The following CLIC5 variants were observed in gnomAD, a reference collection of about 807,000 sequenced individuals.
CLIC5 encodes CLIC family member 5.
CLIC5 carries 20 observed loss-of-function variants against 24.7 expected under a neutral mutation model. That is an observed-to-expected ratio of 0.81 (90% CI 0.57 to 1.18). The LOEUF is 1.18. CLIC5 is among the 50% of genes most tolerant of loss of function. The probability of loss-of-function intolerance (pLI) is 0.00; values close to 1 mark genes in which losing one functional copy is unlikely to be tolerated. For synonymous variants in CLIC5, 159 were observed against 135.6 expected (o/e 1.17, Z -1.20); for missense variants, 341 against 326.1 (o/e 1.05, Z -0.35).
At chr6:45,974,520 TATAG>T (rs1182752407) in intron 1 of CLIC5, among the ~76,000 whole-genome samples, 592 of 66,920 alleles carry the variant, frequency 8.8e-3, no homozygotes, top group African/African-American at 0.025. Context: ...TATATATATA[TATAG>T]AGAGAGAGAG....
At chr6:46,092,239 C>A in the CLIC5 span, among the ~76,000 whole-genome samples, 1 of 152,148 alleles carries the variant, frequency 6.6e-6, no homozygotes, top group Non-Finnish European at 1.5e-5. Flanking sequence ...TATTTGAATC[C>A]AAAACCCACG....
At chr6:46,007,311 A>G (rs1201615484) in intron 1 of CLIC5, among the ~76,000 whole-genome samples, 1 of 152,236 alleles carries the variant, frequency 6.6e-6, no homozygotes, top group Non-Finnish European at 1.5e-5. Context: ...TATCTTAGAC[A>G]GTAATGGTCA....
At chr6:45,917,399 T>C (rs1376078223) in intron 4 of CLIC5, among the ~76,000 whole-genome samples, 2 of 152,236 alleles carry the variant, frequency 1.3e-5, no homozygotes, top group Non-Finnish European at 2.9e-5. Context: ...CCTTGCCCCA[T>C]ACTCTTGGTC....
intron 5 of CLIC5, among the ~76,000 whole-genome samples, chr6:45,909,623 A>G (rs1307764379): frequency 6.6e-6 from 1 of 152,188 alleles, no homozygotes; most frequent in Non-Finnish European, 1.5e-5. Context: ...TCTGGCTTGC[A>G]ATATTTCTGC....
At position 46,063,953 on chromosome 6, in the gene CLIC5, T is replaced by C. The variant is rs114128431; in HGVS notation, c.540+15750A>G. ...TAAAGGAACACAACAAAATCCAGTA[T>C]ACAACAACATAAAATTCAGTATGTC... is the stretch of plus-strand genomic sequence containing the variant. On this transcript the variant is annotated intron_variant, in intron 1 of 5. Transcript: ENST00000185206. Among the ~76,000 whole-genome samples the C allele has an allele frequency of 4.7e-3, 722 of 152,286 alleles. 3 individuals carry two copies. Among genetic ancestry groups the C allele is most frequent in the African/African-American group, 0.016 (675 of 41,550 alleles).
chr6:46,090,266 ACT>A, the CLIC5 span, among the ~76,000 whole-genome samples: 48 of 152,148 alleles, frequency 3.2e-4, no homozygotes, highest in South Asian at 9.1e-3. Flanking sequence ...GGATTTGAAA[ACT>A]CTGAATGTTT....
At chr6:46,037,336 G>T (rs1767690505) in intron 1 of CLIC5, among the ~76,000 whole-genome samples, 1 of 152,162 alleles carries the variant, frequency 6.6e-6, no homozygotes, top group Non-Finnish European at 1.5e-5. Context: ...CAGTTGTATT[G>T]TTGGGTGGAA....
At chr6:46,108,395 T>TGA in the CLIC5 span, among the ~76,000 whole-genome samples, 9 of 147,826 alleles carry the variant, frequency 6.1e-5, no homozygotes, top group East Asian at 4.0e-4. Context: ...TGTGTGTGTG[T>TGA]GTGTGTGAGA....
intron 1 of CLIC5, among the ~76,000 whole-genome samples, chr6:45,999,993 A>G (rs1378457825): frequency 7.8e-6 from 1 of 128,370 alleles, no homozygotes; most frequent in African/African-American, 3.0e-5. Flanking sequence ...CTCATGATCC[A>G]CCCGCCTCGG....
chr6:46,105,408 C>T, the CLIC5 span, among the ~76,000 whole-genome samples: 1 of 152,074 alleles, frequency 6.6e-6, no homozygotes, highest in East Asian at 1.9e-4. Flanking sequence ...CTAAAAAGGC[C>T]TTCCTGCTTT....
At chr6:45,987,411 C>G (rs1765779714) in intron 1 of CLIC5, among the ~76,000 whole-genome samples, 1 of 152,170 alleles carries the variant, frequency 6.6e-6, no homozygotes, top group African/African-American at 2.4e-5. Context: ...TCTACAGTGC[C>G]TTATAGACAG....
the CLIC5 span, among the ~76,000 whole-genome samples, chr6:46,105,592 A>G: frequency 1.3e-5 from 2 of 152,260 alleles, no homozygotes; most frequent in East Asian, 1.9e-4. Flanking sequence ...AGGGAGTGCT[A>G]GTGACTCAGG....
chr6:46,119,065 GA>G, the CLIC5 span, among the ~76,000 whole-genome samples: 1 of 152,192 alleles, frequency 6.6e-6, no homozygotes, highest in Non-Finnish European at 1.5e-5. Flanking sequence ...CTAGAGGCTG[GA>G]AAAGGCAACA....
chr6:46,033,616 C>A (rs1767573430), intron 1 of CLIC5, among the ~76,000 whole-genome samples: 2 of 152,192 alleles, frequency 1.3e-5, no homozygotes, highest in African/African-American at 2.4e-5. Context: ...ACCTGCCAGC[C>A]CTTCCTCATT....
chr6:46,114,406 C>A, the CLIC5 span, among the ~76,000 whole-genome samples: 1 of 152,214 alleles, frequency 6.6e-6, no homozygotes, highest in African/African-American at 2.4e-5. Flanking sequence ...GCAGTCAAAC[C>A]TATACTTATT....
At chr6:45,978,924 T>G (rs559369639) in intron 1 of CLIC5, among the ~76,000 whole-genome samples, 17 of 149,726 alleles carry the variant, frequency 1.1e-4, no homozygotes, top group Non-Finnish European at 1.9e-4. Context: ...CACTCCAGCC[T>G]GGGCAACAAG....
intron 1 of CLIC5, among the ~76,000 whole-genome samples, chr6:46,042,389 G>A (rs989880338): frequency 4.6e-5 from 7 of 151,810 alleles, no homozygotes; most frequent in Admixed American, 2.0e-4. Flanking sequence ...TTTGTTTTGG[G>A]TAGTTTTTTC....
chr6:46,004,962 A>T (rs1026419981), intron 1 of CLIC5, among the ~76,000 whole-genome samples: 2 of 152,172 alleles, frequency 1.3e-5, no homozygotes, highest in African/African-American at 4.8e-5. Context: ...TGCCACAGAG[A>T]GCAAATGTGT....
chr6:45,939,501 T>A lies in CLIC5; in HGVS notation c.406+2046A>T, dbSNP rs1261217540. On this transcript the variant is annotated intron_variant, in intron 4 of 5. Transcript: ENST00000339561. ...CCACCACACCTGGCCCCTCTCCTAT[T>A]CTTATAAGAACAACAGTCATTGGAT... is the stretch of plus-strand genomic sequence containing the variant. 2.0e-5 allele frequency among the ~76,000 whole-genome samples: 3 copies of A among 152,120 alleles called. No individual in the cohort carries two copies. In the South Asian group the frequency reaches 6.2e-4, roughly 31 times the overall value.
Sources: gnomAD v4.1 joint callset for allele counts (sites outside exome capture counted in the v4.1 genomes callset) on GRCh38, gnomAD v4.1.1 for gene constraint, MANE v1.5 for transcripts, NCBI Gene and HGNC (gene_info 2026-07-23, HGNC 2026-07-21) for gene names.